Variants in SBF2 observed in about 807,000 individuals in gnomAD.
The protein encoded by SBF2 is SET binding factor 2.
In SBF2, 112 loss-of-function variants were observed where a neutral mutation model predicts 225.2. The observed-to-expected ratio is 0.50, with a 90% CI of 0.43 to 0.58. The LOEUF (loss-of-function observed/expected upper bound fraction) is 0.58. Ranked by LOEUF, SBF2 falls within the 20% of genes least tolerant of loss-of-function variation. The pLI is 0.00. For synonymous variants in SBF2, 763 were observed against 773.3 expected, an observed-to-expected ratio of 0.99 and a Z score of 0.22; for missense variants, 1,996 against 2,206.2, an observed-to-expected ratio of 0.90 and a Z score of 1.91.
intron 8 of SBF2, 71 bp downstream of exon 8, chr11:10,000,843 G>A: frequency 2.5e-6 from 2 of 808,910 alleles, no homozygotes; most frequent in East Asian, 2.6e-5. Flanking sequence ...GAGTTGAAAT[G>A]TTATAGGACC....
chr11:9,846,078 T>A (rs762696968), intron 23 of SBF2, among the ~76,000 whole-genome samples: 4 of 152,220 alleles, frequency 2.6e-5, no homozygotes, highest in Non-Finnish European at 4.4e-5. Context: ...ATAAGGTCTC[T>A]TCCTACCCAG....
At position 9,834,967 on chromosome 11, in the gene SBF2, A is replaced by T. The variant is rs114271858; in HGVS notation, c.3456-2547T>A. 4.0e-3 allele frequency among the ~76,000 whole-genome samples: 604 copies of T among 152,256 alleles called. 4 individuals are homozygous for T. The highest frequency in any genetic ancestry group is 0.014 in the African/African-American group (578 of 41,552). On this transcript the variant is annotated intron_variant, in intron 26 of 39. Coordinates refer to ENST00000256190, the MANE Select transcript of SBF2 (RefSeq NM_030962.4). ...CTATGGCTCTCTCCTGCTTCCTGAC[A>T]TGGGCTTGCATGACAGCTGGAGAGC...
intron 1 of SBF2, among the ~76,000 whole-genome samples, chr11:10,251,172 C>G (rs936408442): frequency 6.6e-6 from 1 of 152,114 alleles, no homozygotes; most frequent in Non-Finnish European, 1.5e-5. Flanking sequence ...GATGTAGATG[C>G]GAAACCTTAA....
Position 9,850,240 on chromosome 11 carries a change from T to C in SBF2, c.2611-22A>G, listed in dbSNP as rs377650880. 3.0e-4 allele frequency: 481 copies of C among 1,604,092 alleles called. 1 individual carries two copies. The African/African-American group carries it at 4.6e-3, about 15-fold the overall frequency. On this transcript the variant is annotated intron_variant, in intron 21 of 39. Transcript: ENST00000256190. ...TGGGCTTACAACAGAAAAAGATTGA[T>C]TGATTGATTGATTGACTAATTGATT...
At chr11:9,925,807 C>T (rs1383563154) in intron 16 of SBF2, among the ~76,000 whole-genome samples, 1 of 152,190 alleles carries the variant, frequency 6.6e-6, no homozygotes, top group African/African-American at 2.4e-5. Flanking sequence ...TTTCTTCCCA[C>T]AATTGCCCTT....
upstream of SBF2, among the ~76,000 whole-genome samples, chr11:10,298,605 T>C: frequency 6.6e-6 from 1 of 152,170 alleles, no homozygotes; most frequent in Admixed American, 6.5e-5. Flanking sequence ...GGCTGAGGCC[T>C]CTTCAGATCG....
chr11:10,079,988 C>T (rs1951293940), intron 2 of SBF2, among the ~76,000 whole-genome samples: 1 of 151,658 alleles, frequency 6.6e-6, no homozygotes, highest in Non-Finnish European at 1.5e-5. Context: ...TGGCTCATGC[C>T]TGTAATCCCT....
At chr11:9,795,438 C>G (rs760742239) in intron 33 of SBF2, among the ~76,000 whole-genome samples, 19 of 152,114 alleles carry the variant, frequency 1.2e-4, no homozygotes, top group Admixed American at 4.6e-4. Context: ...ACTGGCAATG[C>G]TGGGATTTTA....
chr11:10,099,819 A>AAC (rs1469063356), intron 2 of SBF2, among the ~76,000 whole-genome samples: 3 of 151,972 alleles, frequency 2.0e-5, no homozygotes, highest in Admixed American at 6.6e-5. Flanking sequence ...ATGAAAACCA[A>AAC]ACACACACAC....
At chr11:10,260,532 G>C (rs549261871) in intron 1 of SBF2, among the ~76,000 whole-genome samples, 19 of 151,752 alleles carry the variant, frequency 1.3e-4, no homozygotes, top group Non-Finnish European at 2.1e-4. Context: ...CTGGCTAACA[G>C]GATGAAACCC....
At chr11:10,284,181 G>C (rs1002854572) in intron 1 of SBF2, among the ~76,000 whole-genome samples, 1 of 152,186 alleles carries the variant, frequency 6.6e-6, no homozygotes, top group Non-Finnish European at 1.5e-5. Flanking sequence ...CACTGGTGAC[G>C]TCTTGCAAAA....
intron 2 of SBF2, among the ~76,000 whole-genome samples, chr11:10,096,442 A>AAAG (rs1207351563): frequency 6.6e-6 from 1 of 150,744 alleles, no homozygotes; most frequent in Non-Finnish European, 1.5e-5. Flanking sequence ...AAAAAAAAAA[A>AAAG]GTAATGAAAT....
chr11:10,241,769 T>C (rs1959230305), intron 1 of SBF2, among the ~76,000 whole-genome samples: 1 of 151,088 alleles, frequency 6.6e-6, no homozygotes, highest in African/African-American at 2.4e-5. Context: ...CAATAGGAGG[T>C]TCCAAAATTC....
intron 9 of SBF2, among the ~76,000 whole-genome samples, chr11:9,997,577 G>GGTTTC (rs1947758787): frequency 6.6e-6 from 1 of 152,192 alleles, no homozygotes; most frequent in South Asian, 2.1e-4. Context: ...AGGAGATCGA[G>GGTTTC]ACCATCCTGA....
At chr11:9,791,199 G>T (rs1852717577) in intron 33 of SBF2, 2 of 152,324 alleles carry the variant, frequency 1.3e-5, no homozygotes, top group Admixed American at 1.3e-4. Flanking sequence ...CGTGTAGTCT[G>T]TGTCCTTGGG....
intron 13 of SBF2, among the ~76,000 whole-genome samples, chr11:9,985,888 C>A (rs997105175): frequency 5.3e-5 from 8 of 152,070 alleles, no homozygotes; most frequent in Admixed American, 5.2e-4. Flanking sequence ...GACAGAAAGT[C>A]AACAAAGAAA....
At chr11:9,970,996 GTTC>G (rs751519455) in intron 13 of SBF2, among the ~76,000 whole-genome samples, 4 of 152,122 alleles carry the variant, frequency 2.6e-5, no homozygotes, top group Non-Finnish European at 2.9e-5. Flanking sequence ...TAGTGTTTTT[GTTC>G]TTCTCTGTTC....
chr11:10,029,418 T>C (rs951428269), intron 5 of SBF2, among the ~76,000 whole-genome samples: 3 of 152,208 alleles, frequency 2.0e-5, no homozygotes, highest in Non-Finnish European at 4.4e-5. Context: ...AAATGAGATG[T>C]AACTATATAC....
At chr11:9,974,657 A>C (rs796723771) in intron 13 of SBF2, among the ~76,000 whole-genome samples, 34 of 146,340 alleles carry the variant, frequency 2.3e-4, no homozygotes, top group Admixed American at 4.1e-4. Flanking sequence ...ACACCGCCCA[A>C]AAAAAAAAAA....
Sources: gnomAD v4.1 joint callset for allele counts (sites outside exome capture counted in the v4.1 genomes callset) on GRCh38, gnomAD v4.1.1 for gene constraint, MANE v1.5 for transcripts, NCBI Gene and HGNC (gene_info 2026-07-23, HGNC 2026-07-21) for gene names.